The following LRRTM3 variants were observed in gnomAD, a reference collection of about 807,000 sequenced individuals.
LRRTM3 encodes leucine-rich repeat transmembrane neuronal protein 3.
In LRRTM3, 24 loss-of-function variants were observed where a neutral mutation model predicts 44.7. The observed-to-expected ratio is 0.54, with a 90% CI of 0.39 to 0.76. The LOEUF is 0.76. Among genes scored for constraint, LRRTM3 ranks in the 30% least tolerant of loss-of-function variants. LRRTM3 has a pLI of 0.00. For missense variants in LRRTM3, 587 were observed against 702.2 expected (o/e 0.84, Z 1.85); for synonymous variants, 277 against 278.7 (o/e 0.99, Z 0.06).
chr10:67,005,686 T>TTTTTTTTTTGTTTGTTTG (rs1554895963), intron 2 of LRRTM3, among the ~76,000 whole-genome samples: 12 of 101,152 alleles, frequency 1.2e-4, no homozygotes, highest in African/African-American at 3.4e-4. Flanking sequence ...CTCCATCTTT[T>TTTTTTTTTTGTTTGTTTG]TTTTTTTTTT....
At chr10:66,978,731 C>A (rs1359485651) in intron 2 of LRRTM3, among the ~76,000 whole-genome samples, 1 of 148,850 alleles carries the variant, frequency 6.7e-6, no homozygotes, top group Non-Finnish European at 1.5e-5. Context: ...ATTTACTAAA[C>A]CTGTCACATT....
intron 2 of LRRTM3, among the ~76,000 whole-genome samples, chr10:66,940,908 G>C (rs1317557903): frequency 1.3e-5 from 2 of 152,106 alleles, no homozygotes; most frequent in Non-Finnish European, 2.9e-5. Flanking sequence ...TCCAATAACA[G>C]TATGCAGCCT....
chr10:66,998,785 A>G (rs1186826421), intron 2 of LRRTM3, among the ~76,000 whole-genome samples: 1 of 152,146 alleles, frequency 6.6e-6, no homozygotes, highest in Non-Finnish European at 1.5e-5. Context: ...TTTTCTTATA[A>G]CTGATACATC....
chr10:66,946,507 C>G (rs1235238468), intron 2 of LRRTM3, among the ~76,000 whole-genome samples: 2 of 152,094 alleles, frequency 1.3e-5, no homozygotes, highest in Non-Finnish European at 2.9e-5. Flanking sequence ...CAGAACACAT[C>G]AGCAGTGTTT....
intron 2 of LRRTM3, among the ~76,000 whole-genome samples, chr10:66,952,509 C>A (rs765197709): frequency 6.6e-6 from 1 of 151,986 alleles, no homozygotes; most frequent in Non-Finnish European, 1.5e-5. Flanking sequence ...GATATCATAC[C>A]TAATGGAAAA....
chr10:66,928,525 T>C (rs1273329827), intron 2 of LRRTM3, 73 bp downstream of exon 2: 1 of 1,394,974 alleles, frequency 7.2e-7, no homozygotes, highest in Non-Finnish European at 9.7e-7. Flanking sequence ...CTCTGGTGAC[T>C]ATCAAGGGAA....
At chr10:67,070,679 G>A (rs1387674321) in intron 2 of LRRTM3, among the ~76,000 whole-genome samples, 9 of 151,856 alleles carry the variant, frequency 5.9e-5, no homozygotes, top group Admixed American at 1.3e-4. Context: ...CCCGGGAGGC[G>A]GAGGTTGCAG....
intron 2 of LRRTM3, among the ~76,000 whole-genome samples, chr10:66,999,722 A>G (rs1357698184): frequency 6.6e-6 from 1 of 152,208 alleles, no homozygotes; most frequent in African/African-American, 2.4e-5. Flanking sequence ...TAAGTCTTTA[A>G]GCAAAAAACA....
chr10:67,059,213 A>C (rs768438339), intron 2 of LRRTM3, among the ~76,000 whole-genome samples: 5 of 152,224 alleles, frequency 3.3e-5, no homozygotes, highest in Non-Finnish European at 5.9e-5. Flanking sequence ...TCACATTATA[A>C]GATTAATGAG....
At chr10:67,075,170 G>GCGCACA (rs111391840) in intron 2 of LRRTM3, among the ~76,000 whole-genome samples, 1 of 149,640 alleles carries the variant, frequency 6.7e-6, no homozygotes, top group Admixed American at 6.7e-5. Context: ...AAGGATTTCT[G>GCGCACA]CACACACACA....
rs117978183 is a variant in LRRTM3 at position 66,996,578 on chromosome 10, G to T, written c.1536+68126G>T. Among the ~76,000 whole-genome samples, 1,038 of 144,360 alleles carry T rather than the reference G, an allele frequency of 7.2e-3. 59 individuals carry two copies. In the East Asian group the frequency reaches 0.14, roughly 20 times the overall value. The allele number at this position is 144,360 out of a possible 152,430, so 94.7% of individuals were successfully genotyped here. ...CAGGAGAATTGCTTGAACCCAGCAG[G>T]TAGAGGTTGCAGTGGGTCAAGATCG... is the stretch of plus-strand genomic sequence containing the variant. On this transcript the variant is annotated intron_variant, in intron 2 of 2. Transcript: ENST00000361320.
intron 2 of LRRTM3, among the ~76,000 whole-genome samples, chr10:66,931,776 C>T (rs1376514232): frequency 1.3e-5 from 2 of 152,004 alleles, no homozygotes; most frequent in African/African-American, 4.8e-5. Flanking sequence ...AGAATTGGTA[C>T]TGAAGGCTAG....
intron 2 of LRRTM3, among the ~76,000 whole-genome samples, chr10:66,976,259 C>T (rs946214403): frequency 6.6e-6 from 1 of 152,106 alleles, no homozygotes; most frequent in African/African-American, 2.4e-5. Flanking sequence ...AATGGAATGG[C>T]GGCACTAATA....
At chr10:67,042,745 G>A (rs544279961) in intron 2 of LRRTM3, among the ~76,000 whole-genome samples, 76 of 152,180 alleles carry the variant, frequency 5.0e-4, no homozygotes, top group African/African-American at 1.8e-3. Context: ...AGAAGGAAGA[G>A]TAGGACTGAA....
intron 2 of LRRTM3, among the ~76,000 whole-genome samples, chr10:66,969,946 T>C (rs1173756148): frequency 6.6e-6 from 1 of 152,062 alleles, no homozygotes. Flanking sequence ...TACATGAACA[T>C]GAGAGTAACA....
intron 2 of LRRTM3, among the ~76,000 whole-genome samples, chr10:66,965,951 G>A (rs1353993727): frequency 6.6e-6 from 1 of 152,008 alleles, no homozygotes; most frequent in Non-Finnish European, 1.5e-5. Context: ...CACTATATAA[G>A]TCTGGAGAGG....
chr10:66,960,814 G>A (rs1007179222), intron 2 of LRRTM3, among the ~76,000 whole-genome samples: 2 of 152,096 alleles, frequency 1.3e-5, no homozygotes, highest in African/African-American at 4.8e-5. Flanking sequence ...CTTAGAAAAG[G>A]GGGGATGGTA....
At chr10:67,071,254 A>G (rs1856434430) in intron 2 of LRRTM3, among the ~76,000 whole-genome samples, 1 of 150,642 alleles carries the variant, frequency 6.6e-6, no homozygotes, top group Admixed American at 6.6e-5. Flanking sequence ...ACTTACAACA[A>G]TTCCCTTTGG....
intron 2 of LRRTM3, among the ~76,000 whole-genome samples, chr10:66,985,136 T>C (rs1295694436): frequency 6.6e-6 from 1 of 152,176 alleles, no homozygotes; most frequent in African/African-American, 2.4e-5. Flanking sequence ...TAACATTATC[T>C]AATACTTCAC....
Sources: gnomAD v4.1 joint callset for allele counts (sites outside exome capture counted in the v4.1 genomes callset) on GRCh38, gnomAD v4.1.1 for gene constraint, MANE v1.5 for transcripts, NCBI Gene and HGNC (gene_info 2026-07-23, HGNC 2026-07-21) for gene names.